Variants in USP24 observed in about 807,000 individuals in gnomAD.
USP24 encodes ubiquitin specific peptidase 24.
Under a neutral mutation model 361.6 loss-of-function variants are expected in USP24, and 97 were observed. The ratio of observed to expected loss-of-function variants is 0.27; its 90% CI spans 0.23 to 0.32. The LOEUF (loss-of-function observed/expected upper bound fraction) is 0.32, where lower values mean the gene tolerates loss of function less well. Ranked by LOEUF, USP24 falls within the 10% of genes least tolerant of loss-of-function variation. The pLI, the probability that USP24 is intolerant of heterozygous loss-of-function variation, is 1.00. For synonymous variants in USP24, 1,098 were observed against 1,124.6 expected (o/e 0.98, Z 0.47); for missense variants, 2,353 against 3,165.6 (o/e 0.74, Z 6.16).
intron 30 of USP24, 78 bp from the exon 31 acceptor site, chr1:55,132,778 T>C: frequency 7.2e-7 from 1 of 1,384,878 alleles, no homozygotes; most frequent in Non-Finnish European, 9.7e-7. Flanking sequence ...GTACACGTCC[T>C]AATATTCTTT....
At chr1:55,153,438 CACT>C (rs1456155088) in intron 16 of USP24, among the ~76,000 whole-genome samples, 1 of 152,176 alleles carries the variant, frequency 6.6e-6, no homozygotes, top group African/African-American at 2.4e-5. Context: ...GAACCTGAAA[CACT>C]ACTATGTGCA....
intron 16 of USP24, among the ~76,000 whole-genome samples, chr1:55,152,812 A>G (rs1174298326): frequency 6.6e-6 from 1 of 152,224 alleles, no homozygotes; most frequent in African/African-American, 2.4e-5. Context: ...TGTCAGAAAT[A>G]TAAAACACAA....
At chr1:55,195,756 A>G (rs1365201666) in intron 1 of USP24, among the ~76,000 whole-genome samples, 1 of 152,212 alleles carries the variant, frequency 6.6e-6, no homozygotes, top group East Asian at 1.9e-4. Flanking sequence ...AAGCTCAGAA[A>G]CAGAAAGTAA....
At chr1:55,147,396 T>G (rs569800579) in intron 18 of USP24, among the ~76,000 whole-genome samples, 1 of 152,180 alleles carries the variant, frequency 6.6e-6, no homozygotes, top group Non-Finnish European at 1.5e-5. Context: ...ATCAATTGAT[T>G]TGAAAAACAA....
intron 56 of USP24, among the ~76,000 whole-genome samples, chr1:55,084,157 G>A (rs529391637): frequency 1.3e-5 from 2 of 152,296 alleles, no homozygotes; most frequent in Non-Finnish European, 2.9e-5. Context: ...TTCTACCGCT[G>A]AGTCACATTT....
At chr1:55,082,525 T>C (rs1215484686) in intron 58 of USP24, among the ~76,000 whole-genome samples, 1 of 152,194 alleles carries the variant, frequency 6.6e-6, no homozygotes. Flanking sequence ...TATTCAACAC[T>C]ATTCTAACAA....
intron 1 of USP24, among the ~76,000 whole-genome samples, chr1:55,184,964 TA>T (rs746892523): frequency 6.0e-5 from 9 of 150,172 alleles, no homozygotes; most frequent in Non-Finnish European, 8.9e-5. Context: ...TTTTTATTTT[TA>T]TTTTTTTTTT....
chr1:55,106,230 A>C lies in USP24; in HGVS notation c.4796T>G (p.Phe1599Cys), dbSNP rs1310329825. 1 of 1,613,746 alleles carries C rather than the reference A, an allele frequency of 6.2e-7. No homozygotes were observed. Among genetic ancestry groups the C allele is most frequent in the African/African-American group, 1.3e-5 (1 of 74,950 alleles). ...SSLIKPLLDD[F>C]LFRASRIILN... ...AATAATTCTAGAAGCTCGGAAAAGG[A>C]AGTCATCTAACAATGGTTTAATGAG... is the stretch of plus-strand genomic sequence containing the variant. The change falls in exon 41 of 68, where the codon TTC becomes TGC. Residue 1599 changes from phenylalanine (F) to cysteine (C), a missense_variant. Around this residue, in one of 8 missense-constraint regions of USP24, gnomAD observed 949 missense variants for 1,280.5 expected, o/e 0.74. Coordinates refer to ENST00000294383, the MANE Select transcript of USP24 (RefSeq NM_015306.3).
chr1:55,119,173 T>TC (rs1646206368), intron 38 of USP24, among the ~76,000 whole-genome samples: 4 of 152,240 alleles, frequency 2.6e-5, no homozygotes, highest in Admixed American at 1.3e-4. Context: ...ACCCAAATGT[T>TC]CATCTATGGA....
intron 20 of USP24, 119 bp from the exon 21 acceptor site, chr1:55,144,322 T>A (rs1646972048): frequency 5.5e-6 from 3 of 540,728 alleles, no homozygotes; most frequent in Non-Finnish European, 9.3e-6. Context: ...GCTTCTTAGA[T>A]ATGGTACCAA....
At chr1:55,211,550 C>T (rs1042134196) in intron 1 of USP24, among the ~76,000 whole-genome samples, 7 of 152,226 alleles carry the variant, frequency 4.6e-5, no homozygotes, top group Admixed American at 2.6e-4. Flanking sequence ...ACAGCTTTCA[C>T]TGTTCAAATA....
chr1:55,122,204 C>T (rs1021914654), intron 36 of USP24, among the ~76,000 whole-genome samples: 1 of 152,086 alleles, frequency 6.6e-6, no homozygotes, highest in Non-Finnish European at 1.5e-5. Context: ...GGAGTCTGGG[C>T]AGTGCAGGGG....
intron 34 of USP24, 49 bp downstream of exon 34, chr1:55,125,271 C>T: frequency 1.9e-6 from 3 of 1,560,592 alleles, no homozygotes; most frequent in Non-Finnish European, 1.8e-6. Context: ...CTAAACAGGA[C>T]ATTCTGAATA....
intron 20 of USP24, among the ~76,000 whole-genome samples, chr1:55,144,527 T>C (rs1646976659): frequency 6.6e-6 from 1 of 152,166 alleles, no homozygotes; most frequent in African/African-American, 2.4e-5. Flanking sequence ...GACAAACCAA[T>C]TTTAAAATGG....
intron 58 of USP24, among the ~76,000 whole-genome samples, chr1:55,081,908 A>G (rs1182082621): frequency 6.6e-6 from 1 of 152,276 alleles, no homozygotes; most frequent in Non-Finnish European, 1.5e-5. Context: ...CCACAAATGC[A>G]AAATAGTATT....
chr1:55,081,360 A>G lies in USP24; in HGVS notation c.7040T>C (p.Leu2347Pro). The G allele has an allele frequency of 6.2e-7, 1 of 1,613,730 alleles. No homozygotes were observed. Among genetic ancestry groups the G allele is most frequent in the South Asian group, 1.1e-5 (1 of 91,076 alleles). ...FGNLHNTVAL[L>P]VLHSDVSSQR... is the part of the protein sequence containing the mutation. ...GGATGAGACATCTGAATGCAAAACAAGTAACGCCACTGTATTGTGAAGATT... is the reference window on the plus strand; with the variant it reads ...GGATGAGACATCTGAATGCAAAACAGGTAACGCCACTGTATTGTGAAGATT... The change falls in exon 59 of 68, where the codon CTT becomes CCT. Residue 2347 changes from leucine (L) to proline (P), a missense_variant. Physicochemically the swap from Leu to Pro is moderately conservative, Grantham distance 98 (BLOSUM62 -3). This residue lies in a region of USP24 where 598 missense variants were observed against 761.9 expected (regional missense o/e 0.78). Coordinates refer to ENST00000294383, the MANE Select transcript of USP24 (RefSeq NM_015306.3).
chr1:55,136,365 G>A (rs1339767077), intron 28 of USP24, among the ~76,000 whole-genome samples: 1 of 152,146 alleles, frequency 6.6e-6, no homozygotes, highest in East Asian at 1.9e-4. Flanking sequence ...GACACATTAG[G>A]AAGGCCCTGA....
intron 1 of USP24, among the ~76,000 whole-genome samples, chr1:55,182,327 G>T (rs573110497): frequency 6.6e-6 from 1 of 151,946 alleles, no homozygotes; most frequent in Non-Finnish European, 1.5e-5. Context: ...TGCTGGGATT[G>T]CAGGCGTGAG....
intron 38 of USP24, among the ~76,000 whole-genome samples, chr1:55,112,259 G>GT (rs1427262357): frequency 6.6e-6 from 1 of 152,044 alleles, no homozygotes; most frequent in African/African-American, 2.4e-5. Context: ...AGGGTTCTTC[G>GT]TGTCTCTATC....
Sources: gnomAD v4.1 joint callset for allele counts (sites outside exome capture counted in the v4.1 genomes callset) on GRCh38, gnomAD v4.1.1 for gene constraint, gnomAD v4.1.1 regional missense constraint, MANE v1.5 for transcripts, NCBI Gene and HGNC (gene_info 2026-07-23, HGNC 2026-07-21) for gene names.